Variants in CYTIP observed in about 807,000 individuals in gnomAD.
CYTIP encodes the protein cytohesin-interacting protein.
In CYTIP, 26 loss-of-function variants were observed where a neutral mutation model predicts 43.8. The ratio of observed to expected loss-of-function variants is 0.59; its 90% CI spans 0.44 to 0.82. CYTIP has a LOEUF of 0.82. Ranked by LOEUF, CYTIP falls within the 40% of genes least tolerant of loss-of-function variation. The pLI is 0.00. For synonymous variants in CYTIP, 162 were observed against 162.9 expected (o/e 0.99, Z 0.04); for missense variants, 426 against 443.1 (o/e 0.96, Z 0.35).
chr2:157,443,060 A>G (rs1326069762), intron 1 of CYTIP, among the ~76,000 whole-genome samples: 1 of 152,188 alleles, frequency 6.6e-6, no homozygotes, highest in Non-Finnish European at 1.5e-5. Flanking sequence ...TTAGACATAG[A>G]TTTTTCCAAA....
At chr2:157,416,650 G>T (rs1469893970) in intron 7 of CYTIP, among the ~76,000 whole-genome samples, 1 of 152,114 alleles carries the variant, frequency 6.6e-6, no homozygotes, top group Non-Finnish European at 1.5e-5. Flanking sequence ...GAAGTAAATA[G>T]AAAACAGTTA....
chr2:157,420,723 G>A (rs1394408002), intron 6 of CYTIP, among the ~76,000 whole-genome samples: 3 of 150,308 alleles, frequency 2.0e-5, no homozygotes, highest in South Asian at 2.1e-4. Context: ...GTGTAAATCT[G>A]TGGTTATATG....
At chr2:157,432,217 A>T (rs1406673631) in intron 3 of CYTIP, among the ~76,000 whole-genome samples, 1 of 152,232 alleles carries the variant, frequency 6.6e-6, no homozygotes, top group East Asian at 1.9e-4. Context: ...AGATCAAAGT[A>T]AGTACAGTGC....
Position 157,415,896 on chromosome 2 carries a change from G to A in CYTIP, c.861C>T (p.Pro287=), listed in dbSNP as rs1020013409. Residue 287 remains proline (P), a synonymous_variant, in exon 8 of 8, where the codon CCC becomes CCT. Transcript: ENST00000264192. ...QTSTDDECFI[P]KEGDDFLRRS... is the part of the protein sequence containing the mutation. The stretch of plus-strand genomic sequence containing the variant: ...TCCTCAGAAAATCATCCCCCTCCTT[G>A]GGGATAAAGCACTCATCATCTGTAC... 2 of 1,614,158 alleles carry A rather than the reference G, an allele frequency of 1.2e-6. No homozygotes were observed. The highest frequency in any genetic ancestry group is 8.5e-7 in the Non-Finnish European group (1 of 1,180,026).
intron 1 of CYTIP, 40 bp downstream of exon 1, chr2:157,443,807 G>C: frequency 1.3e-6 from 2 of 1,598,146 alleles, no homozygotes; most frequent in Non-Finnish European, 1.7e-6. Flanking sequence ...GCCCTCAAGA[G>C]AATGTGAACA....
Position 157,415,623 on chromosome 2 carries a change from G to T in CYTIP, c.*54C>A. 2 of 1,261,162 alleles carry T rather than the reference G, an allele frequency of 1.6e-6. No individual in the cohort carries two copies. The highest frequency in any genetic ancestry group is 2.2e-6 in the Non-Finnish European group (2 of 892,474). 78.1% of individuals were successfully genotyped at this position (1,261,162 alleles called of 1,614,324 possible). A position where few individuals can be genotyped will look rare whatever the true frequency, so the allele number is the denominator to read the frequency against. On this transcript the variant is annotated 3_prime_UTR_variant, in exon 8 of 8. Transcript: ENST00000264192. ...ACTTTCCCACCAAGCTGGGATCTGGGTGAGTCTAGAGATATTTGTGAAATA... is the reference window on the plus strand; with the variant it reads ...ACTTTCCCACCAAGCTGGGATCTGGTTGAGTCTAGAGATATTTGTGAAATA...
In CYTIP at chr2:157,430,551, A is replaced by G. The variant is rs779016880; in HGVS notation, c.476+8T>C. 3.1e-6 allele frequency: 5 copies of G among 1,612,660 alleles called. No homozygotes were observed. Among genetic ancestry groups the G allele is most frequent in the Admixed American group, 1.7e-5 (1 of 60,028 alleles). ...TTGAAGCCCCACGGGAACTAGACAG[A>G]TAGTTACGTTAGCAGGTTTCCGGAC... On this transcript the variant is annotated splice_region_variant and intron_variant, in intron 5 of 7. Coordinates refer to ENST00000264192, the MANE Select transcript of CYTIP (RefSeq NM_004288.5).
At chr2:157,439,163 C>A (rs1019141244) in intron 1 of CYTIP, 1 of 156,858 alleles carries the variant, frequency 6.4e-6, no homozygotes, top group Non-Finnish European at 1.5e-5. Flanking sequence ...TTATCAGCAA[C>A]ACCAAAAGTC....
chr2:157,443,996 G>A lies in CYTIP; in HGVS notation c.25C>T (p.His9Tyr), dbSNP rs1461064909. 3.1e-6 allele frequency: 5 copies of A among 1,613,936 alleles called. No individual in the cohort carries two copies. Among genetic ancestry groups the A allele is most frequent in the Non-Finnish European group, 4.2e-6 (5 of 1,179,928 alleles). The change falls in exon 1 of 8, where the codon CAC (histidine) becomes TAC (tyrosine). Residue 9 changes from histidine (H) to tyrosine (Y), a missense_variant. By Grantham distance (83) the His-to-Tyr change is moderately conservative. Coordinates refer to ENST00000264192, the MANE Select transcript of CYTIP (RefSeq NM_004288.5). MSLQRLLQ[H>Y]SSNGNLADFC... ...TCCGCCAAATTGCCATTGCTGCTGT[G>A]TTGCAGGAGCCTTTGTAAAGACATT...
chr2:157,423,257 T>TA (rs1374807047), intron 6 of CYTIP, among the ~76,000 whole-genome samples: 1 of 151,642 alleles, frequency 6.6e-6, no homozygotes, highest in Non-Finnish European at 1.5e-5. Context: ...ACTGGTTTTC[T>TA]AGAAGATCCA....
chr2:157,437,477 G>A (rs1376051472), intron 1 of CYTIP, among the ~76,000 whole-genome samples: 1 of 152,034 alleles, frequency 6.6e-6, no homozygotes, highest in Non-Finnish European at 1.5e-5. Flanking sequence ...AAGGAGGGTG[G>A]ATCAACTGAG....
intron 1 of CYTIP, chr2:157,438,958 G>T (rs925575162): frequency 2.4e-6 from 1 of 416,290 alleles, no homozygotes; most frequent in African/African-American, 2.0e-5. Flanking sequence ...TGAATCAAAA[G>T]TCATTCTGGA....
chr2:157,417,217 T>C (rs1685451113), intron 7 of CYTIP, among the ~76,000 whole-genome samples: 1 of 152,232 alleles, frequency 6.6e-6, no homozygotes, highest in Non-Finnish European at 1.5e-5. Context: ...TGACTAGTCA[T>C]AATGCTTTCC....
rs1214076041 is a variant in CYTIP, at chr2:157,434,849, T to TCACACACA, written c.175-110_175-103dup. 110 of 48,714 alleles carry TCACACACA rather than the reference T, an allele frequency of 2.3e-3. 2 individuals carry two copies. The highest frequency in any genetic ancestry group is 8.2e-3 in the East Asian group (10 of 1,222). 3.0% of individuals were successfully genotyped at this position (48,714 alleles called of 1,614,324 possible). On this transcript the variant is annotated intron_variant, in intron 1 of 7. Transcript: ENST00000264192. ...CTCTCTCTCTCTCTCTCTCTCTCTC[T>TCACACACA]CACACACACACACACACACACACAC...
intron 6 of CYTIP, among the ~76,000 whole-genome samples, chr2:157,420,251 C>T (rs1259180268): frequency 6.6e-6 from 1 of 152,178 alleles, no homozygotes; most frequent in Admixed American, 6.5e-5. Flanking sequence ...CACAGTGGCT[C>T]ACGCCTGTAA....
chr2:157,434,413 G>A lies in CYTIP; in HGVS notation c.236C>T (p.Thr79Ile), dbSNP rs1558940762. 1 of 1,611,568 alleles carries A rather than the reference G, an allele frequency of 6.2e-7. No homozygotes were observed. ...DFSWSQRKLV[T>I]VEKQDNETFG... ...TGTTTCATTATCCTGCTTCTCCACA[G>A]TAACAAGCTTTCTGTAATAAAAATG... The change falls in exon 3 of 8, where the codon ACT becomes ATT. Residue 79 changes from threonine (T) to isoleucine (I), a missense_variant. Physicochemically the swap from Thr to Ile is moderately conservative, Grantham distance 89. Transcript: ENST00000264192.
chr2:157,416,005 C>T lies in CYTIP; in HGVS notation c.752G>A (p.Ser251Asn), dbSNP rs866996431. The T allele has an allele frequency of 6.2e-7, 1 of 1,614,240 alleles. No homozygotes were observed. Among genetic ancestry groups the T allele is most frequent in the South Asian group, 1.1e-5 (1 of 91,092 alleles). ...ATCTTCACTGTCCATCGTCATGGAG[C>T]TCAGCCAGCTCTTACAGCTGCTCTC... ...SSESSCKSWLSSMTMDSEDGY... is the reference protein window; with the variant it reads ...SSESSCKSWLNSMTMDSEDGY... Residue 251 changes from serine (S) to asparagine (N), a missense_variant, in exon 8 of 8, where the codon AGC becomes AAC. By Grantham distance (46) the Ser-to-Asn change is conservative. Transcript: ENST00000264192.
At chr2:157,436,181 A>G (rs1374228973) in intron 1 of CYTIP, among the ~76,000 whole-genome samples, 2 of 152,208 alleles carry the variant, frequency 1.3e-5, no homozygotes, top group Non-Finnish European at 2.9e-5. Flanking sequence ...TAGTCTTGCT[A>G]AAAAGTATCT....
intron 1 of CYTIP, chr2:157,438,867 TG>T: frequency 3.4e-6 from 1 of 293,806 alleles, no homozygotes; most frequent in Non-Finnish European, 7.7e-6. Flanking sequence ...TTTTGAGCCT[TG>T]TCAATTTTAA....
Sources: allele counts gnomAD v4.1 joint callset (sites outside exome capture counted in the v4.1 genomes callset), GRCh38; gene constraint gnomAD v4.1.1; transcripts MANE v1.5; gene names NCBI Gene and HGNC (gene_info 2026-07-23, HGNC 2026-07-21).